KLHL13: variants seen among roughly 807,000 people sequenced by gnomAD.
The protein encoded by KLHL13 is kelch-like protein 13.
In KLHL13, 10 loss-of-function variants were observed where a neutral mutation model predicts 37.1. The ratio of observed to expected loss-of-function variants is 0.27; its 90% CI spans 0.17 to 0.46. The LOEUF (loss-of-function observed/expected upper bound fraction) is 0.46. KLHL13 is among the 20% of genes least tolerant of loss of function. The probability of loss-of-function intolerance (pLI) is 1.00; values close to 1 mark genes in which losing one functional copy is unlikely to be tolerated. For missense variants in KLHL13, 360 were observed against 509.3 expected (o/e 0.71, Z 2.82); for synonymous variants, 163 against 181.2 (o/e 0.90, Z 0.81).
intron 2 of KLHL13, among the ~76,000 whole-genome samples, chrX:117,925,262 A>C (rs1243616505): frequency 8.9e-6 from 1 of 112,320 alleles, no homozygotes; most frequent in Non-Finnish European, 1.9e-5. Context: ...TGATAAACAA[A>C]TAATTCAACT....
intron 1 of KLHL13, among the ~76,000 whole-genome samples, chrX:118,007,333 AC>A (rs1424938533): frequency 1.0e-5 from 1 of 97,090 alleles, no homozygotes; most frequent in East Asian, 3.3e-4. Flanking sequence ...CACTTGAGCC[AC>A]TGCACTCCAG....
intron 1 of KLHL13, among the ~76,000 whole-genome samples, chrX:117,968,815 G>A (rs1278010640): frequency 1.8e-5 from 2 of 111,042 alleles, no homozygotes; most frequent in Non-Finnish European, 3.8e-5. Context: ...CAATCTTAGG[G>A]GATAGAAACA....
At chrX:118,091,881 G>A (rs1047104622) in intron 1 of KLHL13, among the ~76,000 whole-genome samples, 3 of 111,870 alleles carry the variant, frequency 2.7e-5, no homozygotes, top group Non-Finnish European at 5.6e-5. Context: ...ATGAAATAAT[G>A]GCATTCACAG....
chrX:117,924,635 T>G (rs904385191), intron 2 of KLHL13, among the ~76,000 whole-genome samples: 1 of 111,696 alleles, frequency 9.0e-6, no homozygotes, highest in African/African-American at 3.3e-5. Flanking sequence ...CAGAATGTCC[T>G]TAAAACTGCT....
intron 1 of KLHL13, among the ~76,000 whole-genome samples, chrX:117,988,455 A>G (rs1287639196): frequency 8.9e-6 from 1 of 111,977 alleles, no homozygotes; most frequent in Non-Finnish European, 1.9e-5. Context: ...TGAAATATCC[A>G]TAGTGATAGA....
At position 118,095,043 on chromosome X, in the gene KLHL13, T is replaced by C. The variant is rs747084431; in HGVS notation, c.-56+21465A>G. On this transcript the variant is annotated intron_variant, in intron 1 of 6. Coordinates refer to the KLHL13 transcript ENST00000371882. ...AGGATCAAATTCACACATAACAATATTAACCTTAAAGGTAAATGGGCTAAA... is the reference window on the plus strand; with the variant it reads ...AGGATCAAATTCACACATAACAATACTAACCTTAAAGGTAAATGGGCTAAA... 1.2e-3 allele frequency among the ~76,000 whole-genome samples: 131 copies of C among 111,240 alleles called. 1 individual carries two copies. Among genetic ancestry groups the C allele is most frequent in the African/African-American group, 4.1e-3 (127 of 30,672 alleles).
intron 2 of KLHL13, among the ~76,000 whole-genome samples, chrX:117,926,150 C>T (rs1377543731): frequency 8.9e-6 from 1 of 111,737 alleles, no homozygotes; most frequent in Non-Finnish European, 1.9e-5. Context: ...TCTTTAAAAT[C>T]AAACAAAAAT....
At chrX:117,910,181 A>C (rs774352249) in intron 4 of KLHL13, 85 bp from the exon 6 acceptor site, 1 of 631,374 alleles carries the variant, frequency 1.6e-6, no homozygotes, top group African/African-American at 2.2e-5. Context: ...TTCTAGAATA[A>C]GAGTAAATTA....
chrX:117,953,642 C>T (rs1236220170), intron 1 of KLHL13, among the ~76,000 whole-genome samples: 1 of 111,577 alleles, frequency 9.0e-6, no homozygotes, highest in Non-Finnish European at 1.9e-5. Context: ...AGTCTAGTAA[C>T]TATGATTTGA....
chrX:118,091,358 A>T (rs2055132291), intron 1 of KLHL13, among the ~76,000 whole-genome samples: 1 of 112,121 alleles, frequency 8.9e-6, no homozygotes, highest in African/African-American at 3.2e-5. Context: ...AGTAGCCATC[A>T]TAAAAATGCT....
intron 1 of KLHL13, among the ~76,000 whole-genome samples, chrX:118,052,909 TG>T (rs2054633081): frequency 9.0e-6 from 1 of 111,029 alleles, no homozygotes; most frequent in African/African-American, 3.3e-5. Flanking sequence ...TTCTAAGGGT[TG>T]ACACAAAACT....
chrX:117,918,388 G>T (rs1931491977), intron 4 of KLHL13, among the ~76,000 whole-genome samples: 1 of 111,154 alleles, frequency 9.0e-6, no homozygotes, highest in Non-Finnish European at 1.9e-5. Flanking sequence ...TTTAAAGAAG[G>T]TTCCATGTTC....
intron 1 of KLHL13, among the ~76,000 whole-genome samples, chrX:118,089,437 T>A (rs919039158): frequency 1.2e-4 from 13 of 108,520 alleles, no homozygotes; most frequent in Non-Finnish European, 2.1e-4. Flanking sequence ...TCAAGAGAGG[T>A]CAATTAGGAA....
chrX:118,058,300 C>G (rs1257179326), intron 1 of KLHL13, among the ~76,000 whole-genome samples: 1 of 110,967 alleles, frequency 9.0e-6, no homozygotes, highest in Non-Finnish European at 1.9e-5. Context: ...TACTCCCCCC[C>G]TCATTTTTAT....
intron 1 of KLHL13, among the ~76,000 whole-genome samples, chrX:118,071,135 T>C (rs928576615): frequency 8.9e-6 from 1 of 112,224 alleles, no homozygotes; most frequent in Non-Finnish European, 1.9e-5. Flanking sequence ...ATGTGCCACA[T>C]TCTCTTAACC....
intron 2 of KLHL13, among the ~76,000 whole-genome samples, chrX:117,938,112 A>T (rs1321340168): frequency 1.1e-4 from 12 of 112,027 alleles, no homozygotes; most frequent in Non-Finnish European, 2.3e-4. Flanking sequence ...AAATAGCTGG[A>T]TCATATTACA....
intron 1 of KLHL13, among the ~76,000 whole-genome samples, chrX:118,103,637 A>G: frequency 9.0e-6 from 1 of 111,511 alleles, no homozygotes; most frequent in Non-Finnish European, 1.9e-5. Flanking sequence ...TCTGAAGGTC[A>G]TTTTTTAATA....
At chrX:117,996,262 G>A (rs1602634840) in intron 1 of KLHL13, among the ~76,000 whole-genome samples, 1 of 111,881 alleles carries the variant, frequency 8.9e-6, no homozygotes, top group East Asian at 2.8e-4. Flanking sequence ...TGTTTTCTTT[G>A]CAGTTGGTCC....
chrX:118,021,318 C>A (rs1275452626), intron 1 of KLHL13, among the ~76,000 whole-genome samples: 2 of 104,499 alleles, frequency 1.9e-5, no homozygotes, highest in Admixed American at 2.1e-4. Context: ...TATACATGTG[C>A]CATGTTGGTT....
Sources: gnomAD v4.1 joint callset for allele counts (sites outside exome capture counted in the v4.1 genomes callset) on GRCh38, gnomAD v4.1.1 for gene constraint, MANE v1.5 for transcripts, NCBI Gene and HGNC (gene_info 2026-07-23, HGNC 2026-07-21) for gene names.